CSMD1: variants seen among roughly 807,000 people sequenced by gnomAD.
The protein encoded by CSMD1 is CUB and sushi domain-containing protein 1.
In CSMD1, 213 loss-of-function variants were observed where a neutral mutation model predicts 417.5. That is an observed-to-expected ratio of 0.51 (90% CI 0.46 to 0.57). CSMD1 has a LOEUF of 0.57. CSMD1 is among the 20% of genes least tolerant of loss of function. The pLI, the probability that CSMD1 is intolerant of heterozygous loss-of-function variation, is 0.00. For missense variants in CSMD1, 6,923 were observed against 4,529.7 expected, an observed-to-expected ratio of 1.53 and a Z score of -15.17; for synonymous variants, 2,862 against 1,736.8, an observed-to-expected ratio of 1.65 and a Z score of -16.11.
intron 1 of CSMD1, among the ~76,000 whole-genome samples, chr8:4,940,067 G>A (rs151047234): frequency 6.6e-6 from 1 of 152,282 alleles, no homozygotes; most frequent in African/African-American, 2.4e-5. Flanking sequence ...TGAGGTAGGA[G>A]AACCGGGCAG....
At position 2,947,651 on chromosome 8, in the gene CSMD1, C is replaced by G. The variant is rs138531439; in HGVS notation, c.10402+1648G>C. On this transcript the variant is annotated intron_variant, in intron 68 of 69. Transcript: ENST00000635120. ...GTCAACTTAGACATCTACACAGCAT[C>G]CTGTACAGCTCACTGGGGTGTCCTT... 5.0e-4 allele frequency among the ~76,000 whole-genome samples: 76 copies of G among 152,288 alleles called. 2 individuals are homozygous for G. The East Asian group carries it at 0.011, about 22-fold the overall frequency.
rs564222054 is a variant in CSMD1, at chr8:4,507,873, G to T, written c.303-87808C>A. On this transcript the variant is annotated intron_variant, in intron 2 of 69. Coordinates refer to ENST00000635120, the MANE Select transcript of CSMD1 (RefSeq NM_033225.6). ...AAAAATTATACACTGGTCAATTTCA[G>T]TTTAACATCTTTGAAATGAAAGTGA... 1.6e-4 allele frequency among the ~76,000 whole-genome samples: 25 copies of T among 152,224 alleles called. No homozygotes were observed. In the Middle Eastern group the frequency reaches 0.01, roughly 62 times the overall value.
chr8:2,950,865 A>T (rs1462623083), intron 66 of CSMD1, among the ~76,000 whole-genome samples: 1 of 152,176 alleles, frequency 6.6e-6, no homozygotes, highest in Non-Finnish European at 1.5e-5. Flanking sequence ...CGAATCTCAG[A>T]TTCTTGACTT....
intron 10 of CSMD1, among the ~76,000 whole-genome samples, chr8:3,544,825 G>C (rs1464457512): frequency 6.6e-6 from 1 of 152,102 alleles, no homozygotes; most frequent in Non-Finnish European, 1.5e-5. Flanking sequence ...AGCAGGAGAT[G>C]ACAAGACACG....
At chr8:3,535,702 T>C (rs1203490479) in intron 10 of CSMD1, among the ~76,000 whole-genome samples, 2 of 152,226 alleles carry the variant, frequency 1.3e-5, no homozygotes, top group African/African-American at 2.4e-5. Context: ...GTACCCCTCA[T>C]TGCTTTTTTG....
chr8:4,032,546 T>C (rs1467711508), intron 3 of CSMD1, among the ~76,000 whole-genome samples: 1 of 152,224 alleles, frequency 6.6e-6, no homozygotes, highest in East Asian at 1.9e-4. Flanking sequence ...CTTCCACGAC[T>C]GGTACAGTGT....
intron 2 of CSMD1, among the ~76,000 whole-genome samples, chr8:4,549,376 T>G (rs1334439273): frequency 6.6e-6 from 1 of 152,188 alleles, no homozygotes; most frequent in African/African-American, 2.4e-5. Context: ...GTATATTGGT[T>G]AACCTAAACA....
At chr8:3,988,829 G>C (rs144587530) in intron 5 of CSMD1, among the ~76,000 whole-genome samples, 22 of 152,128 alleles carry the variant, frequency 1.4e-4, no homozygotes, top group African/African-American at 5.3e-4. Flanking sequence ...TCATCATTTA[G>C]GTCCTATTTT....
intron 10 of CSMD1, among the ~76,000 whole-genome samples, chr8:3,519,296 C>G (rs530294880): frequency 1.3e-5 from 2 of 152,230 alleles, no homozygotes; most frequent in South Asian, 2.1e-4. Flanking sequence ...TCTTCAAATT[C>G]AAAAACAGCT....
At chr8:4,877,504 C>G (rs560124257) in intron 1 of CSMD1, among the ~76,000 whole-genome samples, 3 of 152,004 alleles carry the variant, frequency 2.0e-5, no homozygotes, top group East Asian at 3.9e-4. Flanking sequence ...AATCTCTTCC[C>G]GATCCCCTAA....
chr8:4,361,714 G>C (rs1051767275), intron 3 of CSMD1, among the ~76,000 whole-genome samples: 1 of 152,092 alleles, frequency 6.6e-6, no homozygotes, highest in African/African-American at 2.4e-5. Context: ...CCAACACTTT[G>C]GGAGGCCGAA....
intron 5 of CSMD1, among the ~76,000 whole-genome samples, chr8:3,865,741 C>T (rs1008091217): frequency 6.6e-6 from 1 of 152,148 alleles, no homozygotes; most frequent in Admixed American, 6.5e-5. Flanking sequence ...AGCTTACATG[C>T]TAATGGAGTA....
intron 16 of CSMD1, among the ~76,000 whole-genome samples, chr8:3,398,308 A>G (rs1811823785): frequency 6.6e-6 from 1 of 152,234 alleles, no homozygotes; most frequent in Admixed American, 6.5e-5. Context: ...CAAATGATTG[A>G]TTATACACAG....
chr8:3,445,216 GA>G (rs1237606983), intron 12 of CSMD1, among the ~76,000 whole-genome samples: 30 of 152,272 alleles, frequency 2.0e-4, no homozygotes, highest in African/African-American at 7.0e-4. Flanking sequence ...GAAGGAAAAG[GA>G]AGCCATTTTC....
chr8:3,600,091 G>A (rs1801289493), intron 8 of CSMD1, among the ~76,000 whole-genome samples: 1 of 152,162 alleles, frequency 6.6e-6, no homozygotes, highest in African/African-American at 2.4e-5. Context: ...CTTAAGAAAA[G>A]TCTAGCAGGT....
chr8:4,352,184 G>A (rs977878725), intron 3 of CSMD1, among the ~76,000 whole-genome samples: 1 of 152,108 alleles, frequency 6.6e-6, no homozygotes, highest in Non-Finnish European at 1.5e-5. Context: ...GGTTCTCATT[G>A]CCTGGGATGA....
chr8:3,384,889 A>G (rs1810892472), intron 18 of CSMD1, among the ~76,000 whole-genome samples: 1 of 122,506 alleles, frequency 8.2e-6, no homozygotes, highest in Admixed American at 9.5e-5. Context: ...ATGCAAATAT[A>G]TAATATATAT....
chr8:4,665,696 C>G (rs74520770), intron 1 of CSMD1, among the ~76,000 whole-genome samples: 4,725 of 152,284 alleles, frequency 0.031, 224 homozygotes, highest in African/African-American at 0.099. Context: ...GATCCATAAT[C>G]TATTCCTCTT....
At chr8:4,242,966 TA>T (rs1802490754) in intron 3 of CSMD1, among the ~76,000 whole-genome samples, 1 of 152,192 alleles carries the variant, frequency 6.6e-6, no homozygotes, top group African/African-American at 2.4e-5. Flanking sequence ...AGTCAAAGTT[TA>T]AAATTTTATG....
Sources: gnomAD v4.1 joint callset for allele counts (sites outside exome capture counted in the v4.1 genomes callset) on GRCh38, gnomAD v4.1.1 for gene constraint, MANE v1.5 for transcripts, NCBI Gene and HGNC (gene_info 2026-07-23, HGNC 2026-07-21) for gene names.